Variants in TENM3 observed in about 807,000 individuals in gnomAD.
TENM3 encodes the protein teneurin transmembrane protein 3, also known as teneurin-3.
Under a neutral mutation model 255.1 loss-of-function variants are expected in TENM3, and 63 were observed. That is an observed-to-expected ratio of 0.25 (90% CI 0.20 to 0.30). The LOEUF is 0.30. Ranked by LOEUF, TENM3 falls within the 10% of genes least tolerant of loss-of-function variation. The pLI is 1.00. For synonymous variants in TENM3, 1,306 were observed against 1,322.3 expected (o/e 0.99, Z 0.27); for missense variants, 2,929 against 3,461.1 (o/e 0.85, Z 3.86).
chr4:181,677,404 C>T, the TENM3 span, among the ~76,000 whole-genome samples: 22 of 152,282 alleles, frequency 1.4e-4, no homozygotes, highest in Non-Finnish European at 3.1e-4. Flanking sequence ...AGTCATTATC[C>T]AGCTATGCAA....
chr4:182,799,953 C>A lies in TENM3; in HGVS notation c.7702C>A (p.Arg2568Ser), dbSNP rs1472018626. ...DLGTLRLTSG[R>S]KALENGINVT... is the part of the protein sequence containing the mutation. ...GGGCACGCTGCGGTTGACCAGCGGC[C>A]GCAAGGCGCTGGAGAACGGCATCAA... Residue 2568 changes from arginine to serine, a missense_variant, in exon 28 of 28, where the codon CGC becomes AGC. Coordinates refer to ENST00000511685, the MANE Select transcript of TENM3 (RefSeq NM_001080477.4). This position sits in a 1 kb window ranked among gnomAD's most constrained non-coding sequence, Gnocchi z 4.2. 1 of 1,592,834 alleles carries A rather than the reference C, an allele frequency of 6.3e-7. No individual in the cohort carries two copies. The highest frequency in any genetic ancestry group is 1.3e-5 in the African/African-American group (1 of 74,430).
intron 12 of TENM3, among the ~76,000 whole-genome samples, chr4:182,704,592 G>C (rs1306012747): frequency 2.0e-5 from 3 of 152,116 alleles, no homozygotes; most frequent in African/African-American, 4.8e-5. Context: ...GGAATGCCTT[G>C]GTATAAATAC....
At chr4:182,589,752 C>A (rs2152384304) in intron 3 of TENM3, among the ~76,000 whole-genome samples, 1 of 152,146 alleles carries the variant, frequency 6.6e-6, no homozygotes, top group African/African-American at 2.4e-5. Flanking sequence ...GTGGGCAGAT[C>A]ACTTGAGGTC....
chr4:182,431,265 A>T (rs1771619199), intron 3 of TENM3, among the ~76,000 whole-genome samples: 1 of 151,622 alleles, frequency 6.6e-6, no homozygotes, highest in South Asian at 2.1e-4. Context: ...GGAGACCGAG[A>T]CAGGCGGATT....
chr4:182,188,517 T>C (rs369802322), intron 1 of TENM3, among the ~76,000 whole-genome samples: 1 of 152,136 alleles, frequency 6.6e-6, no homozygotes, highest in Admixed American at 6.5e-5. Flanking sequence ...TAGGTTGAAG[T>C]TGATATTTTT....
chr4:182,734,917 A>C (rs1233816245), intron 16 of TENM3, among the ~76,000 whole-genome samples: 1 of 152,156 alleles, frequency 6.6e-6, no homozygotes, highest in Non-Finnish European at 1.5e-5. Context: ...CTCATGGAAA[A>C]CCTGTCAAAT....
the TENM3 span, among the ~76,000 whole-genome samples, chr4:181,738,877 G>A: frequency 1.3e-5 from 2 of 152,006 alleles, no homozygotes; most frequent in Non-Finnish European, 2.9e-5. Flanking sequence ...CGAACCCTAA[G>A]GAGTATGTTT....
At chr4:182,037,686 C>T in the TENM3 span, among the ~76,000 whole-genome samples, 33 of 152,142 alleles carry the variant, frequency 2.2e-4, 1 homozygote, top group Middle Eastern at 0.014. Context: ...TACATTTTTT[C>T]CTATGGTGTT....
chr4:182,701,758 A>G (rs992803218), intron 12 of TENM3, among the ~76,000 whole-genome samples: 1 of 152,182 alleles, frequency 6.6e-6, no homozygotes, highest in African/African-American at 2.4e-5. Flanking sequence ...TGCAATTATG[A>G]CTACATGTTT....
At chr4:182,523,907 A>C (rs1376477822) in intron 3 of TENM3, among the ~76,000 whole-genome samples, 3 of 152,208 alleles carry the variant, frequency 2.0e-5, no homozygotes, top group Non-Finnish European at 4.4e-5. Flanking sequence ...TTATAATATC[A>C]TATAAAGATT....
At chr4:182,388,589 TG>T (rs1389508696) in intron 3 of TENM3, among the ~76,000 whole-genome samples, 3 of 152,214 alleles carry the variant, frequency 2.0e-5, no homozygotes, top group Non-Finnish European at 4.4e-5. Flanking sequence ...AAGTCAAAAA[TG>T]CTCTGCTGGC....
At chr4:182,251,929 C>T (rs1324474576) in intron 1 of TENM3, among the ~76,000 whole-genome samples, 2 of 152,042 alleles carry the variant, frequency 1.3e-5, no homozygotes, top group Non-Finnish European at 1.5e-5. Flanking sequence ...ATGCCCGTTA[C>T]CCCAGCACTT....
chr4:181,856,339 G>A, the TENM3 span, among the ~76,000 whole-genome samples: 4 of 152,116 alleles, frequency 2.6e-5, no homozygotes, highest in African/African-American at 7.2e-5. Context: ...ATCTAAAGCA[G>A]TCCTCGGTAT....
chr4:181,505,601 C>T, the TENM3 span, among the ~76,000 whole-genome samples: 15 of 152,158 alleles, frequency 9.9e-5, no homozygotes, highest in African/African-American at 2.9e-4. Context: ...TTATTTCTAG[C>T]GAACTTTGTA....
At chr4:182,112,025 C>A in the TENM3 span, among the ~76,000 whole-genome samples, 7 of 152,108 alleles carry the variant, frequency 4.6e-5, no homozygotes, top group Non-Finnish European at 8.8e-5. Flanking sequence ...AAGGGTGGCT[C>A]ACACTTGTAA....
chr4:182,319,178 T>A (rs1406661593), intron 1 of TENM3, among the ~76,000 whole-genome samples: 1 of 152,244 alleles, frequency 6.6e-6, no homozygotes, highest in Non-Finnish European at 1.5e-5. Flanking sequence ...AATGTCATAT[T>A]CATTAAATGC....
At chr4:181,607,649 T>C in the TENM3 span, among the ~76,000 whole-genome samples, 1 of 152,078 alleles carries the variant, frequency 6.6e-6, no homozygotes, top group African/African-American at 2.4e-5. Flanking sequence ...GTGATCTGCC[T>C]GCCTCAGCCT....
the TENM3 span, among the ~76,000 whole-genome samples, chr4:181,978,550 G>T: frequency 6.6e-6 from 1 of 151,750 alleles, no homozygotes; most frequent in African/African-American, 2.4e-5. Flanking sequence ...AGGAGGCTAA[G>T]GCAGGAGAAT....
intron 2 of TENM3, among the ~76,000 whole-genome samples, chr4:182,331,626 A>T (rs1308582683): frequency 3.3e-5 from 5 of 152,216 alleles, no homozygotes; most frequent in African/African-American, 1.2e-4. Context: ...TATTTTTAAG[A>T]CATACACTTA....
Sources: allele counts gnomAD v4.1 joint callset (sites outside exome capture counted in the v4.1 genomes callset), GRCh38; gene constraint gnomAD v4.1.1; non-coding constraint Gnocchi (gnomAD v3.1); transcripts MANE v1.5; gene names NCBI Gene and HGNC (gene_info 2026-07-23, HGNC 2026-07-21).